The following FBXL7 variants were observed in gnomAD, a reference collection of about 807,000 sequenced individuals.
FBXL7 encodes the protein F-box and leucine rich repeat protein 7, also known as F-box/LRR-repeat protein 7.
In FBXL7, 12 loss-of-function variants were observed where a neutral mutation model predicts 38.3. That is an observed-to-expected ratio of 0.31 (90% confidence interval 0.20 to 0.51). The LOEUF is 0.51. Ranked by LOEUF, FBXL7 falls within the 20% of genes least tolerant of loss-of-function variation. The pLI, the probability that FBXL7 is intolerant of heterozygous loss-of-function variation, is 0.98. For missense variants in FBXL7, 567 were observed against 676.4 expected, an observed-to-expected ratio of 0.84 and a Z score of 1.79; for synonymous variants, 297 against 300.9, an observed-to-expected ratio of 0.99 and a Z score of 0.13.
At chr5:15,764,629 C>A (rs1477858027) in intron 2 of FBXL7, among the ~76,000 whole-genome samples, 1 of 152,196 alleles carries the variant, frequency 6.6e-6, no homozygotes, top group Non-Finnish European at 1.5e-5. Flanking sequence ...GTTTCAAATC[C>A]CAGCTTTTTC....
intron 2 of FBXL7, among the ~76,000 whole-genome samples, chr5:15,862,327 C>G (rs1268821912): frequency 2.0e-5 from 3 of 152,206 alleles, no homozygotes; most frequent in African/African-American, 7.2e-5. Flanking sequence ...CACCTTCCAC[C>G]ATGATTGTGA....
chr5:15,700,252 G>A (rs1194713093), intron 2 of FBXL7, among the ~76,000 whole-genome samples: 1 of 152,144 alleles, frequency 6.6e-6, no homozygotes. Context: ...GACTTCAAGA[G>A]GCCATGCATT....
chr5:15,830,497 C>CACACAT (rs2126773282), intron 2 of FBXL7, among the ~76,000 whole-genome samples: 1 of 149,484 alleles, frequency 6.7e-6, no homozygotes, highest in South Asian at 2.1e-4. Context: ...CACACACACA[C>CACACAT]ACACACACAC....
intron 2 of FBXL7, among the ~76,000 whole-genome samples, chr5:15,750,756 C>G (rs1736133836): frequency 6.6e-6 from 1 of 152,068 alleles, no homozygotes; most frequent in South Asian, 2.1e-4. Context: ...ACTCCAGTTT[C>G]TATATACCAC....
intron 1 of FBXL7, among the ~76,000 whole-genome samples, chr5:15,568,586 T>C (rs1484850457): frequency 6.7e-4 from 102 of 151,676 alleles, no homozygotes; most frequent in African/African-American, 2.4e-3. Context: ...AGAAGCTCTT[T>C]AGTTTAATTA....
At chr5:15,682,636 T>G (rs1451391493) in intron 2 of FBXL7, among the ~76,000 whole-genome samples, 1 of 152,190 alleles carries the variant, frequency 6.6e-6, no homozygotes, top group Non-Finnish European at 1.5e-5. Context: ...AATCTTTATA[T>G]CCAGGTAAAA....
intron 2 of FBXL7, among the ~76,000 whole-genome samples, chr5:15,869,224 A>G (rs143292633): frequency 6.6e-6 from 1 of 152,288 alleles, no homozygotes; most frequent in Non-Finnish European, 1.5e-5. Flanking sequence ...CACTTTGCCT[A>G]TATTTTCTTT....
intron 2 of FBXL7, among the ~76,000 whole-genome samples, chr5:15,753,382 T>C (rs963900906): frequency 3.3e-5 from 5 of 152,212 alleles, no homozygotes; most frequent in Admixed American, 2.0e-4. Flanking sequence ...TGTTAGTATT[T>C]GTGACTTAGC....
At chr5:15,855,483 A>AT (rs956799538) in intron 2 of FBXL7, among the ~76,000 whole-genome samples, 1 of 151,614 alleles carries the variant, frequency 6.6e-6, no homozygotes, top group Non-Finnish European at 1.5e-5. Context: ...AATGTTAACC[A>AT]TTTTTTTTCA....
chr5:15,809,834 T>A (rs1414562388), intron 2 of FBXL7, among the ~76,000 whole-genome samples: 1 of 152,234 alleles, frequency 6.6e-6, no homozygotes, highest in Non-Finnish European at 1.5e-5. Flanking sequence ...TAATAAATGT[T>A]AACATGCCTG....
At chr5:15,529,701 A>G (rs1411621428) in intron 1 of FBXL7, among the ~76,000 whole-genome samples, 1 of 152,058 alleles carries the variant, frequency 6.6e-6, no homozygotes, top group Non-Finnish European at 1.5e-5. Context: ...CTAACTTCTT[A>G]CACTTTTTTA....
chr5:15,698,721 C>T (rs1013759127), intron 2 of FBXL7, among the ~76,000 whole-genome samples: 2 of 152,096 alleles, frequency 1.3e-5, no homozygotes, highest in African/African-American at 4.8e-5. Context: ...ATTATTGAGT[C>T]CAGTTGCTTA....
At chr5:15,698,810 A>T (rs4702102) in intron 2 of FBXL7, among the ~76,000 whole-genome samples, 96,443 of 151,986 alleles carry the variant, frequency 0.63, 31,346 homozygotes, top group East Asian at 0.74. Context: ...AATGACGCTT[A>T]GTTAACTCCG....
At chr5:15,518,808 G>T (rs1012548494) in intron 1 of FBXL7, among the ~76,000 whole-genome samples, 5 of 152,154 alleles carry the variant, frequency 3.3e-5, no homozygotes, top group Admixed American at 1.3e-4. Context: ...ATTTTTCAGG[G>T]ACTGATACAC....
chr5:15,672,957 C>T (rs187469642), intron 2 of FBXL7, among the ~76,000 whole-genome samples: 9 of 152,192 alleles, frequency 5.9e-5, no homozygotes, highest in Admixed American at 1.3e-4. Flanking sequence ...CTTATTTGAC[C>T]GTTCCACCAG....
chr5:15,816,706 A>G (rs1239551046), intron 2 of FBXL7, among the ~76,000 whole-genome samples: 1 of 152,214 alleles, frequency 6.6e-6, no homozygotes, highest in Non-Finnish European at 1.5e-5. Context: ...CAATCTGTCT[A>G]CTACTCTGTT....
intron 2 of FBXL7, among the ~76,000 whole-genome samples, chr5:15,702,701 T>C (rs570633942): frequency 6.6e-6 from 1 of 152,340 alleles, no homozygotes; most frequent in Admixed American, 6.5e-5. Context: ...CTCTTCTCTG[T>C]AGATCAAAAT....
At chr5:15,923,146 T>C (rs897915314) in intron 2 of FBXL7, among the ~76,000 whole-genome samples, 2 of 152,218 alleles carry the variant, frequency 1.3e-5, no homozygotes, top group African/African-American at 4.8e-5. Flanking sequence ...CCTCTCTGAG[T>C]GTGTGTCCTG....
intron 1 of FBXL7, among the ~76,000 whole-genome samples, chr5:15,535,221 A>C (rs1328840019): frequency 6.6e-6 from 1 of 152,148 alleles, no homozygotes. Context: ...TATAGCAGTG[A>C]AAAAAAGCGA....
Sources: allele counts gnomAD v4.1 joint callset (sites outside exome capture counted in the v4.1 genomes callset), GRCh38; gene constraint gnomAD v4.1.1; transcripts MANE v1.5; gene names NCBI Gene and HGNC (gene_info 2026-07-23, HGNC 2026-07-21).